Variants in TPP2 observed in about 807,000 individuals in gnomAD.
TPP2 encodes the protein tripeptidyl peptidase 2, also known as tripeptidyl-peptidase 2.
Under a neutral mutation model 155.9 loss-of-function variants are expected in TPP2, and 34 were observed. That is an observed-to-expected ratio of 0.22 (90% confidence interval 0.17 to 0.29). The LOEUF (loss-of-function observed/expected upper bound fraction) is 0.29. TPP2 is among the 10% of genes least tolerant of loss of function. TPP2 has a pLI of 1.00. For synonymous variants in TPP2, 510 were observed against 529.4 expected, an observed-to-expected ratio of 0.96 and a Z score of 0.50; for missense variants, 1,028 against 1,522.3, an observed-to-expected ratio of 0.68 and a Z score of 5.40.
chr13:102,648,845 T>C, intron 21 of TPP2, 62 bp from the exon 22 acceptor site: 1 of 1,524,282 alleles, frequency 6.6e-7, no homozygotes, highest in East Asian at 2.3e-5. Context: ...TTATCCTCTT[T>C]CAGTGATTTC....
chr13:102,603,556 GT>G (rs2139409130), intron 1 of TPP2, among the ~76,000 whole-genome samples: 1 of 152,174 alleles, frequency 6.6e-6, no homozygotes, highest in East Asian at 1.9e-4. Context: ...GCAGGAAAAA[GT>G]TTGGCATGTT....
At chr13:102,666,950 A>G (rs190502508) in intron 27 of TPP2, among the ~76,000 whole-genome samples, 1 of 151,994 alleles carries the variant, frequency 6.6e-6, no homozygotes, top group Admixed American at 6.6e-5. Flanking sequence ...TATCCTTGTA[A>G]TTAAAGAATT....
intron 1 of TPP2, among the ~76,000 whole-genome samples, chr13:102,599,239 T>C (rs895112196): frequency 6.6e-6 from 1 of 152,212 alleles, no homozygotes; most frequent in African/African-American, 2.4e-5. Flanking sequence ...AAATATATGT[T>C]AGATATTTGC....
At chr13:102,651,334 T>TA (rs1463093696) in intron 23 of TPP2, 25 bp from the exon 24 acceptor site, 1 of 1,571,044 alleles carries the variant, frequency 6.4e-7, no homozygotes, top group South Asian at 1.2e-5. Context: ...CATGTTTTCT[T>TA]ACAGAATGTC....
intron 25 of TPP2, 82 bp from the exon 26 acceptor site, chr13:102,663,566 C>T (rs1884393207): frequency 2.0e-6 from 2 of 986,644 alleles, no homozygotes; most frequent in Non-Finnish European, 2.8e-6. Flanking sequence ...CTTAAACTTC[C>T]AAACAATGTT....
Position 102,674,341 on chromosome 13 carries a change from C to G in TPP2, c.3430C>G (p.Leu1144Val), listed in dbSNP as rs1043723959. ...TGCCCTTTGTAGGAAAGGTTGTGCC[C>G]TGGCAGACCATCTTCTTCACACCCA... ...VDALCRKGCA[L>V]ADHLLHTQAQ... The change falls in exon 28 of 30, where the codon CTG becomes GTG. Residue 1144 changes from leucine to valine, a missense_variant. This residue lies in a region of TPP2 where 116 missense variants were observed against 117.3 expected (regional missense o/e 0.99). Coordinates refer to ENST00000376052, the MANE Select transcript of TPP2 (RefSeq NM_001330588.2). The G allele has an allele frequency of 1.2e-6, 2 of 1,613,888 alleles. No individual in the cohort carries two copies. Among genetic ancestry groups the G allele is most frequent in the Non-Finnish European group, 1.7e-6 (2 of 1,179,824 alleles).
intron 11 of TPP2, among the ~76,000 whole-genome samples, chr13:102,634,477 G>T (rs1882240568): frequency 6.6e-6 from 1 of 152,164 alleles, no homozygotes; most frequent in Non-Finnish European, 1.5e-5. Context: ...AGCAAAATGA[G>T]GTAGAAAGAG....
chr13:102,605,524 C>T (rs1336073637), intron 2 of TPP2, among the ~76,000 whole-genome samples: 3 of 152,006 alleles, frequency 2.0e-5, no homozygotes, highest in Admixed American at 1.3e-4. Context: ...TAGAATTGGG[C>T]GGTATTTTTC....
intron 2 of TPP2, among the ~76,000 whole-genome samples, chr13:102,608,234 A>T (rs1300118233): frequency 6.6e-6 from 1 of 152,244 alleles, no homozygotes; most frequent in Non-Finnish European, 1.5e-5. Flanking sequence ...TTAACAGTAC[A>T]TTAATACATT....
Position 102,666,766 on chromosome 13 carries a change from C to CTTTTTT in TPP2, c.3371+1861_3371+1866dup. On this transcript the variant is annotated intron_variant, in intron 27 of 29. Coordinates refer to ENST00000376052, the MANE Select transcript of TPP2 (RefSeq NM_001330588.2). The stretch of plus-strand genomic sequence containing the variant: ...TGGTCTTTATCACTGTTTTTAATCT[C>CTTTTTT]TTTTTTTTTTTTTTTTTTTTTTTTT... 6.5e-3 allele frequency among the ~76,000 whole-genome samples: 364 copies of CTTTTTT among 55,672 alleles called. 1 individual carries two copies. The highest frequency in any genetic ancestry group is 8.9e-3 in the East Asian group (13 of 1,454). The allele number at this position is 55,672 out of a possible 152,430, so 36.5% of individuals were successfully genotyped here. A position where few individuals can be genotyped will look rare whatever the true frequency, so the allele number is the denominator to read the frequency against.
At chr13:102,614,240 GTCT>G (rs775074000) in intron 3 of TPP2, 44 bp downstream of exon 3, 3 of 1,440,062 alleles carry the variant, frequency 2.1e-6, no homozygotes, top group African/African-American at 1.4e-5. Context: ...CTTCTGACTT[GTCT>G]TCTTCCTCAG....
In TPP2 at chr13:102,636,328, T is replaced by C. The variant is rs757225986; in HGVS notation, c.1614T>C (p.Pro538=). ...GNNRGIYLRD[P]VQVAAPSDHG... ...ACCGTGGCATCTACCTCCGAGATCC[T>C]GTTCAGGTGGCTGCACCTTCAGATC... Residue 538 remains proline (P), a synonymous_variant, in exon 13 of 30, where the codon CCT becomes CCC. Coordinates refer to ENST00000376052, the MANE Select transcript of TPP2 (RefSeq NM_001330588.2). 2 of 1,613,872 alleles carry C rather than the reference T, an allele frequency of 1.2e-6. No homozygotes were observed. Among genetic ancestry groups the C allele is most frequent in the South Asian group, 1.1e-5 (1 of 91,044 alleles).
chr13:102,601,152 A>C (rs779035133), intron 1 of TPP2, among the ~76,000 whole-genome samples: 2 of 151,938 alleles, frequency 1.3e-5, no homozygotes, highest in Non-Finnish European at 2.9e-5. Flanking sequence ...TCATCTCTCT[A>C]CTTACTTTTT....
Position 102,678,284 on chromosome 13 carries a change from A to G in TPP2, c.3757A>G (p.Ile1253Val), listed in dbSNP as rs1251371810. 6.2e-7 allele frequency: 1 copy of G among 1,613,642 alleles called. No individual in the cohort carries two copies. Among genetic ancestry groups the G allele is most frequent in the Non-Finnish European group, 8.5e-7 (1 of 1,179,752 alleles). The change falls in exon 30 of 30, where the codon ATC becomes GTC. Residue 1253 changes from isoleucine to valine, a missense_variant. By Grantham distance (29) the Ile-to-Val change is conservative. Coordinates refer to ENST00000376052, the MANE Select transcript of TPP2 (RefSeq NM_001330588.2). ...ATCTTTTACTGAAAACTGGCTCCCC[A>G]TCATGTATCCTCCCGATTATTGCGT... is the stretch of plus-strand genomic sequence containing the variant. ...CASFTENWLP[I>V]MYPPDYCVF
chr13:102,606,674 A>G (rs1176910297), intron 2 of TPP2, among the ~76,000 whole-genome samples: 1 of 152,202 alleles, frequency 6.6e-6, no homozygotes, highest in African/African-American at 2.4e-5. Flanking sequence ...TGCGTCTGCA[A>G]AATCCCTACA....
intron 9 of TPP2, 152 bp from the exon 10 acceptor site, chr13:102,629,944 C>CT (rs1301224004): frequency 7.6e-6 from 5 of 660,980 alleles, no homozygotes; most frequent in Middle Eastern, 2.5e-4. Flanking sequence ...ACATAGTAGA[C>CT]TTTCCTTGTT....
intron 2 of TPP2, among the ~76,000 whole-genome samples, chr13:102,608,607 C>G (rs982978429): frequency 1.3e-5 from 2 of 152,184 alleles, no homozygotes; most frequent in South Asian, 2.1e-4. Flanking sequence ...TTTTTAATTG[C>G]AAAAGCCCCT....
intron 25 of TPP2, among the ~76,000 whole-genome samples, chr13:102,661,210 T>C (rs1472535291): frequency 6.6e-6 from 1 of 151,902 alleles, no homozygotes; most frequent in Non-Finnish European, 1.5e-5. Context: ...GTTACATATT[T>C]GTAAGGAGCT....
At chr13:102,599,082 G>T (rs1879229210) in intron 1 of TPP2, among the ~76,000 whole-genome samples, 1 of 152,092 alleles carries the variant, frequency 6.6e-6, no homozygotes, top group African/African-American at 2.4e-5. Context: ...AGTAGGTAGT[G>T]TTTCAGTCTT....
Sources: gnomAD v4.1 joint callset for allele counts (sites outside exome capture counted in the v4.1 genomes callset) on GRCh38, gnomAD v4.1.1 for gene constraint, gnomAD v4.1.1 regional missense constraint, MANE v1.5 for transcripts, NCBI Gene and HGNC (gene_info 2026-07-23, HGNC 2026-07-21) for gene names.